Variants in ZNF124 observed in about 807,000 individuals in gnomAD.
ZNF124 encodes zinc finger protein 124.
Under a neutral mutation model 26.6 loss-of-function variants are expected in ZNF124, and 25 were observed. That is an observed-to-expected ratio of 0.94 (90% CI 0.68 to 1.31). ZNF124 has a LOEUF of 1.31. Ranked by LOEUF, ZNF124 falls within the 40% of genes most tolerant of loss-of-function variation. The pLI, the probability that ZNF124 is intolerant of heterozygous loss-of-function variation, is 0.00. For missense variants in ZNF124, 444 were observed against 422.2 expected (o/e 1.05, Z -0.45); for synonymous variants, 129 against 133.3 (o/e 0.97, Z 0.22).
At chr1:247,147,035 A>G (rs1672799871) in intron 3 of ZNF124, among the ~76,000 whole-genome samples, 1 of 152,128 alleles carries the variant, frequency 6.6e-6, no homozygotes, top group Non-Finnish European at 1.5e-5. Context: ...AGTAGGAAAC[A>G]TAGTGGAAAT....
chr1:247,131,394 A>C (rs1048003308), intron 3 of ZNF124, among the ~76,000 whole-genome samples: 1 of 152,074 alleles, frequency 6.6e-6, no homozygotes, highest in Non-Finnish European at 1.5e-5. Flanking sequence ...ACAGCCTTTC[A>C]GCTGGAATCT....
At chr1:247,127,870 CGG>C (rs1365224394) in intron 3 of ZNF124, among the ~76,000 whole-genome samples, 13 of 151,838 alleles carry the variant, frequency 8.6e-5, no homozygotes, top group African/African-American at 2.7e-4. Flanking sequence ...TTCTTTAACT[CGG>C]TGTCTGAGGG....
chr1:247,163,251 C>T (rs962893315), intron 1 of ZNF124, among the ~76,000 whole-genome samples: 2 of 151,566 alleles, frequency 1.3e-5, no homozygotes, highest in Non-Finnish European at 2.9e-5. Flanking sequence ...ACTAAAGAAA[C>T]AAGAGCAGAC....
At chr1:247,165,112 G>A (rs777844504) in intron 1 of ZNF124, among the ~76,000 whole-genome samples, 7 of 152,180 alleles carry the variant, frequency 4.6e-5, no homozygotes, top group South Asian at 2.1e-4. Flanking sequence ...GACTACAGGC[G>A]CCTGCCACCC....
Position 247,157,304 on chromosome 1 carries a change from G to C in ZNF124, c.318C>G (p.Val106=), listed in dbSNP as rs1673208087. 1 of 1,595,628 alleles carries C rather than the reference G, an allele frequency of 6.3e-7. No homozygotes were observed. The highest frequency in any genetic ancestry group is 1.3e-5 in the African/African-American group (1 of 74,634). ...CKQCQKTSLS[V]TRVHRDTVMH... is the part of the protein sequence containing the mutation. ...TTACTGTGTCTCTGTGAACCCTTGT[G>C]ACAGAAAGGGAAGTTTTCTGACATT... Residue 106 remains valine, a synonymous_variant, in exon 4 of 4, where the codon GTC becomes GTG. Coordinates refer to ENST00000543802, the MANE Select transcript of ZNF124 (RefSeq NM_001297568.2).
chr1:247,146,796 A>T (rs1672791876), intron 3 of ZNF124, among the ~76,000 whole-genome samples: 1 of 152,188 alleles, frequency 6.6e-6, no homozygotes, highest in Admixed American at 6.5e-5. Flanking sequence ...TTTTGAGACA[A>T]GCTTTATGTT....
intron 3 of ZNF124, among the ~76,000 whole-genome samples, chr1:247,130,132 G>T (rs1008767743): frequency 6.6e-6 from 1 of 152,154 alleles, no homozygotes; most frequent in Non-Finnish European, 1.5e-5. Flanking sequence ...TCAGTTTTTC[G>T]CTGATTGAAA....
At chr1:247,141,141 G>C (rs1672616551) in intron 3 of ZNF124, among the ~76,000 whole-genome samples, 1 of 152,014 alleles carries the variant, frequency 6.6e-6, no homozygotes, top group Admixed American at 6.5e-5. Context: ...CCAAGCCCAG[G>C]GTTTCCTATC....
intron 1 of ZNF124, among the ~76,000 whole-genome samples, chr1:247,161,450 A>C (rs901173399): frequency 5.3e-5 from 8 of 152,314 alleles, no homozygotes; most frequent in Non-Finnish European, 1.0e-4. Flanking sequence ...AAAAGTATAA[A>C]TAGACCACTT....
chr1:247,130,395 T>A (rs891154902), intron 3 of ZNF124, among the ~76,000 whole-genome samples: 1 of 152,204 alleles, frequency 6.6e-6, no homozygotes, highest in African/African-American at 2.4e-5. Context: ...TCTTCCATTA[T>A]GGCTGCAGAA....
chr1:247,163,472 A>G (rs1415787359), intron 1 of ZNF124, among the ~76,000 whole-genome samples: 2 of 110,814 alleles, frequency 1.8e-5, no homozygotes, highest in Non-Finnish European at 3.7e-5. Context: ...CACAGAAACT[A>G]AAAAAAAAAA....
At chr1:247,157,950 T>TAAAAA in intron 3 of ZNF124, among the ~76,000 whole-genome samples, 1 of 141,228 alleles carries the variant, frequency 7.1e-6, no homozygotes, top group Admixed American at 7.0e-5. Context: ...ATCCGATTGT[T>TAAAAA]AAAAAAAAAA....
intron 3 of ZNF124, among the ~76,000 whole-genome samples, chr1:247,132,189 A>C (rs1165542547): frequency 6.6e-6 from 1 of 152,072 alleles, no homozygotes; most frequent in African/African-American, 2.4e-5. Flanking sequence ...CCTACAGAAG[A>C]GGGACCTGAC....
Position 247,157,034 on chromosome 1 carries a change from A to G in ZNF124, c.588T>C (p.His196=), listed in dbSNP as rs775885655. ...AFSRSSHLRD[H]ERTHTGEKPY... ...GTTTCTCTCCAGTATGAGTTCTTTC[A>G]TGGTCACGAAGGTGACTGGAACGAC... Residue 196 remains histidine, a synonymous_variant, in exon 4 of 4, where the codon CAT becomes CAC. Transcript: ENST00000543802. The G allele has an allele frequency of 2.7e-5, 43 of 1,613,448 alleles. No homozygotes were observed. In the Admixed American group the frequency reaches 7.0e-4, roughly 26 times the overall value.
chr1:247,130,131 C>T (rs891110260), intron 3 of ZNF124, among the ~76,000 whole-genome samples: 3 of 152,074 alleles, frequency 2.0e-5, no homozygotes, highest in Admixed American at 6.5e-5. Context: ...TTCAGTTTTT[C>T]GCTGATTGAA....
In ZNF124 at chr1:247,155,889, T is replaced by G. The variant is rs1388713481; in HGVS notation, c.*677A>C. The G allele has an allele frequency of 1.9e-6, 1 of 520,714 alleles. No individual in the cohort carries two copies. The highest frequency in any genetic ancestry group is 9.5e-5 in the Admixed American group (1 of 10,496). 32.3% of individuals were successfully genotyped at this position (520,714 alleles called of 1,614,324 possible). A position where few individuals can be genotyped will look rare whatever the true frequency, so the allele number is the denominator to read the frequency against. On this transcript the variant is annotated 3_prime_UTR_variant, in exon 4 of 4. Coordinates refer to ENST00000543802, the MANE Select transcript of ZNF124 (RefSeq NM_001297568.2). ...AAAAAAAAAAAAAGTCTCACCTCAA[T>G]TTTTTTTTTTTCAAAAGAAGTGAAA...
intron 3 of ZNF124, among the ~76,000 whole-genome samples, chr1:247,132,262 C>A (rs966229889): frequency 1.3e-5 from 2 of 152,096 alleles, no homozygotes; most frequent in African/African-American, 2.4e-5. Flanking sequence ...ACAAAAAAGG[C>A]CCTCAGAAAA....
At chr1:247,150,490 A>G (rs1290782316), downstream of ZNF124, among the ~76,000 whole-genome samples, 6 of 152,232 alleles carry the variant, frequency 3.9e-5, no homozygotes, top group African/African-American at 1.2e-4. Context: ...ATATTTTGTT[A>G]GCTTACTGGA....
chr1:247,126,420 G>C (rs1420686982), intron 3 of ZNF124, among the ~76,000 whole-genome samples: 1 of 37,358 alleles, frequency 2.7e-5, no homozygotes, highest in East Asian at 5.1e-4. Context: ...GCTTCCGGGT[G>C]TGCCCGGCCT....
Sources: gnomAD v4.1 joint callset for allele counts (sites outside exome capture counted in the v4.1 genomes callset) on GRCh38, gnomAD v4.1.1 for gene constraint, MANE v1.5 for transcripts, NCBI Gene and HGNC (gene_info 2026-07-23, HGNC 2026-07-21) for gene names.